The following CELF2 variants were observed in gnomAD, a reference collection of about 807,000 sequenced individuals.
CELF2 encodes the protein CUG triplet repeat RNA-binding protein 2.
In CELF2, 8 loss-of-function variants were observed where a neutral mutation model predicts 62.6. The ratio of observed to expected loss-of-function variants is 0.13; its 90% confidence interval spans 0.07 to 0.23. The LOEUF is 0.23. Ranked by LOEUF, CELF2 falls within the 10% of genes least tolerant of loss-of-function variation. The pLI is 1.00. For missense variants in CELF2, 333 were observed against 671.0 expected (o/e 0.50, Z 5.56); for synonymous variants, 258 against 250.0 (o/e 1.03, Z -0.30).
At chr10:11,172,456 T>A (rs2133692942) in intron 2 of CELF2, among the ~76,000 whole-genome samples, 1 of 152,348 alleles carries the variant, frequency 6.6e-6, no homozygotes. Context: ...TGATACTGAC[T>A]CTAGCCATTG....
At chr10:11,043,173 T>C (rs2062143357) in intron 1 of CELF2, among the ~76,000 whole-genome samples, 1 of 152,204 alleles carries the variant, frequency 6.6e-6, no homozygotes, top group African/African-American at 2.4e-5. Flanking sequence ...CAGTTGTTGC[T>C]GCCCATCCCA....
At chr10:10,735,548 A>C in the CELF2 span, among the ~76,000 whole-genome samples, 1 of 152,248 alleles carries the variant, frequency 6.6e-6, no homozygotes, top group East Asian at 1.9e-4. Context: ...TCGAGAAACA[A>C]AAGGAATAAA....
At chr10:10,772,246 G>A in the CELF2 span, among the ~76,000 whole-genome samples, 1 of 152,132 alleles carries the variant, frequency 6.6e-6, no homozygotes, top group Non-Finnish European at 1.5e-5. Flanking sequence ...ACATGGGAGG[G>A]AATTTGGACT....
At position 11,191,260 on chromosome 10, in the gene CELF2, A is replaced by ATGGGGC. The variant is rs2076226068; in HGVS notation, c.271+25580_271+25585dup. On this transcript the variant is annotated intron_variant, in intron 2 of 12. Transcript: ENST00000633077. This position sits in a 1 kb window ranked among gnomAD's most constrained non-coding sequence, Gnocchi z 4.1. ...CCTACTTAGATGGTTCTCTCTAGCT[A>ATGGGGC]TGGGGCTTGGAGAGTAAATGGGCAG... 6.6e-6 allele frequency among the ~76,000 whole-genome samples: 1 copy of ATGGGGC among 152,072 alleles called. No homozygotes were observed. Among genetic ancestry groups the ATGGGGC allele is most frequent in the Admixed American group, 6.5e-5 (1 of 15,274 alleles).
rs543187692 is a variant in CELF2 at position 11,150,598 on chromosome 10, A to G, written c.75-14888A>G. On this transcript the variant is annotated intron_variant, in intron 1 of 12. Coordinates refer to ENST00000633077, the MANE Select transcript of CELF2 (RefSeq NM_001326342.2). ...GGCTGCACTGAGCTCCAGCTTCCAGATCAGCAGTTGAGCTGCCTCTGTGTA... is the reference window on the plus strand; with the variant it reads ...GGCTGCACTGAGCTCCAGCTTCCAGGTCAGCAGTTGAGCTGCCTCTGTGTA... Among the ~76,000 whole-genome samples, 4 of 152,352 alleles carry G rather than the reference A, an allele frequency of 2.6e-5. No individual in the cohort carries two copies. The South Asian group carries it at 8.3e-4, about 32-fold the overall frequency.
chr10:10,680,965 T>C, the CELF2 span, among the ~76,000 whole-genome samples: 1 of 152,260 alleles, frequency 6.6e-6, no homozygotes, highest in Non-Finnish European at 1.5e-5. Context: ...TAGACATTTT[T>C]AGTTTCATGT....
Position 10,983,007 on chromosome 10 carries a change from C to A in CELF2, c.89+63008C>A, listed in dbSNP as rs1395022089. On this transcript the variant is annotated intron_variant, in intron 2 of 13. Coordinates refer to the CELF2 transcript ENST00000636488. This position sits in a 1 kb window ranked among gnomAD's most constrained non-coding sequence, Gnocchi z 5.2. ...TGTTGTCAAGATATGCTGAATGAGC[C>A]CCTTCCCCCAGAAATGTTGCCATAT... Among the ~76,000 whole-genome samples the A allele has an allele frequency of 1.3e-5, 2 of 151,970 alleles. No individual in the cohort carries two copies. Among genetic ancestry groups the A allele is most frequent in the Non-Finnish European group, 2.9e-5 (2 of 68,016 alleles).
intron 5 of CELF2, among the ~76,000 whole-genome samples, chr10:11,258,816 A>T (rs1304053154): frequency 6.6e-6 from 1 of 152,098 alleles, no homozygotes; most frequent in Non-Finnish European, 1.5e-5. Flanking sequence ...CCTCCCGAGG[A>T]GCTGGGACGA....
intron 1 of CELF2, among the ~76,000 whole-genome samples, chr10:11,149,159 C>G (rs1013152004): frequency 6.6e-6 from 1 of 152,184 alleles, no homozygotes; most frequent in African/African-American, 2.4e-5. Flanking sequence ...CAACTTCCAC[C>G]TCCTGTGTTC....
chr10:10,707,608 G>A, the CELF2 span, among the ~76,000 whole-genome samples: 1 of 152,176 alleles, frequency 6.6e-6, no homozygotes, highest in Non-Finnish European at 1.5e-5. Flanking sequence ...AAAGGAACCT[G>A]CCACAAGGAT....
intron 8 of CELF2, among the ~76,000 whole-genome samples, chr10:11,277,320 G>A (rs544523019): frequency 6.0e-4 from 91 of 152,176 alleles, no homozygotes; most frequent in Non-Finnish European, 1.1e-3. Flanking sequence ...GTGAATGGGC[G>A]ATAGAGGTTC....
chr10:11,274,445 G>A (rs1271399217), intron 7 of CELF2, among the ~76,000 whole-genome samples: 8 of 152,216 alleles, frequency 5.3e-5, no homozygotes, highest in Admixed American at 3.9e-4. Flanking sequence ...TTTACAACGC[G>A]TGACTTCGAT....
Position 11,017,959 on chromosome 10 carries a change from T to C in CELF2, c.-131T>C, listed in dbSNP as rs2137811408. ...ATTGGCGGAGCGCGAGGAGAGAATG[T>C]GACAAGTGCCGGCTCGGCGGCCGCC... On this transcript the variant is annotated 5_prime_UTR_variant, in exon 1 of 13. It removes the in-frame stop codon of an upstream open reading frame in the 5' UTR. Coordinates refer to ENST00000633077, the MANE Select transcript of CELF2 (RefSeq NM_001326342.2). This position sits in a 1 kb window ranked among gnomAD's most constrained non-coding sequence, Gnocchi z 5.5. The C allele has an allele frequency of 4.1e-6, 4 of 987,032 alleles. No homozygotes were observed. The South Asian group carries it at 1.9e-4, about 46-fold the overall frequency. The allele number at this position is 987,032 out of a possible 1,614,324, so 61.1% of individuals were successfully genotyped here.
intron 1 of CELF2, among the ~76,000 whole-genome samples, chr10:11,158,682 A>T (rs1339513656): frequency 6.6e-6 from 1 of 152,062 alleles, no homozygotes. Flanking sequence ...GAAATAAGGT[A>T]ATAAGGTTTC....
chr10:10,572,172 G>A, the CELF2 span, among the ~76,000 whole-genome samples: 3 of 151,980 alleles, frequency 2.0e-5, no homozygotes, highest in Admixed American at 6.6e-5. Flanking sequence ...AGTCCCATTT[G>A]CAAGGTTTAA....
intron 2 of CELF2, among the ~76,000 whole-genome samples, chr10:10,979,935 T>G (rs946655801): frequency 6.6e-6 from 1 of 152,240 alleles, no homozygotes; most frequent in Admixed American, 6.5e-5. Context: ...TTTGGTAGCA[T>G]GTTTATTTTA....
At chr10:11,085,615 A>G (rs573147357) in intron 1 of CELF2, among the ~76,000 whole-genome samples, 99 of 151,186 alleles carry the variant, frequency 6.5e-4, no homozygotes, top group Non-Finnish European at 9.0e-4. Context: ...TGAGGCACAG[A>G]GAGTTGACAG....
chr10:11,185,102 TG>T (rs1565156455), intron 2 of CELF2, among the ~76,000 whole-genome samples: 1 of 152,226 alleles, frequency 6.6e-6, no homozygotes, highest in Admixed American at 6.5e-5. Flanking sequence ...TTTTTTTTAA[TG>T]TTTTTTTCTG....
chr10:10,828,450 T>A (rs2057587779), intron 1 of CELF2, among the ~76,000 whole-genome samples: 1 of 152,122 alleles, frequency 6.6e-6, no homozygotes, highest in African/African-American at 2.4e-5. Flanking sequence ...TTATATGAGG[T>A]GCCCAGGATA....
Sources: gnomAD v4.1 joint callset for allele counts (sites outside exome capture counted in the v4.1 genomes callset) on GRCh38, gnomAD v4.1.1 for gene constraint, Gnocchi (gnomAD v3.1) non-coding constraint, MANE v1.5 for transcripts, NCBI Gene and HGNC (gene_info 2026-07-23, HGNC 2026-07-21) for gene names.